AKT2: variants seen among roughly 807,000 people sequenced by gnomAD.
AKT2 encodes AKT serine/threonine kinase 2.
In AKT2, 16 loss-of-function variants were observed where a neutral mutation model predicts 58.6. The observed-to-expected ratio is 0.27, with a 90% CI of 0.18 to 0.41. AKT2 has a LOEUF of 0.41. Ranked by LOEUF, AKT2 falls within the 10% of genes least tolerant of loss-of-function variation. The pLI, the probability that AKT2 is intolerant of heterozygous loss-of-function variation, is 1.00. For synonymous variants in AKT2, 253 were observed against 254.0 expected (o/e 1.00, Z 0.04); for missense variants, 438 against 661.0 (o/e 0.66, Z 3.70).
Position 40,241,985 on chromosome 19 carries a change from G to A in AKT2, c.526C>T (p.Arg176Cys), listed in dbSNP as rs757233968. Residue 176 changes from arginine (R) to cysteine (C), a missense_variant, in exon 6 of 14, where the codon CGC becomes TGC. Physicochemically the swap from Arg to Cys is radical, Grantham distance 180. This residue lies in a region of AKT2 where 244 missense variants were observed against 347.1 expected (regional missense o/e 0.70). Coordinates refer to ENST00000392038, the MANE Select transcript of AKT2 (RefSeq NM_001626.6). ...VILVREKATG[R>C]YYAMKILRKE... ...CGCAGGATCTTCATGGCGTAGTAGC[G>A]GCCAGTGGCCTTCTCCCGCACCAGG... The A allele has an allele frequency of 9.9e-6, 16 of 1,614,106 alleles. No homozygotes were observed. In the Admixed American group the frequency reaches 1.0e-4, roughly 10 times the overall value.
Position 40,234,031 on chromosome 19 carries a change from C to A in AKT2, c.1367-80G>T. The stretch of plus-strand genomic sequence containing the variant: ...CTGCCCAGACTCCCTGGGGAAACGG[C>A]CCCAGCTGGCGGGGGCTGCCCACAG... On this transcript the variant is annotated intron_variant, in intron 13 of 13. Transcript: ENST00000392038. This position sits in a 1 kb window ranked among gnomAD's most constrained non-coding sequence, Gnocchi z 4.7. The A allele has an allele frequency of 6.9e-7, 1 of 1,457,078 alleles. No homozygotes were observed. The highest frequency in any genetic ancestry group is 1.2e-5 in the South Asian group (1 of 84,384). 90.3% of individuals were successfully genotyped at this position (1,457,078 alleles called of 1,614,324 possible).
At position 40,237,862 on chromosome 19, in the gene AKT2, G is replaced by A; in HGVS notation, c.831+107C>T. On this transcript the variant is annotated intron_variant, in intron 9 of 13. Coordinates refer to ENST00000392038, the MANE Select transcript of AKT2 (RefSeq NM_001626.6). The surrounding 1 kb of genome is among the most constrained non-coding windows in gnomAD (Gnocchi z 4.5). Reference sequence around the variant, plus strand: ...AGGGCAGCCACCACCCTGGACCTTGGTGGGGAGCCTGGCGAATGAGGGCAG... The same window carrying A: ...AGGGCAGCCACCACCCTGGACCTTGATGGGGAGCCTGGCGAATGAGGGCAG... 6.6e-7 allele frequency: 1 copy of A among 1,521,936 alleles called. No homozygotes were observed. Among genetic ancestry groups the A allele is most frequent in the Non-Finnish European group, 8.9e-7 (1 of 1,125,204 alleles). 94.3% of individuals were successfully genotyped at this position (1,521,936 alleles called of 1,614,324 possible). A position where few individuals can be genotyped will look rare whatever the true frequency, so the allele number is the denominator to read the frequency against.
At chr19:40,273,319 G>A (rs1468811859) in intron 1 of AKT2, among the ~76,000 whole-genome samples, 1 of 150,340 alleles carries the variant, frequency 6.7e-6, no homozygotes, top group Admixed American at 6.6e-5. Context: ...CCAGCCTGAG[G>A]GACAGAGCAA....
chr19:40,261,140 C>G (rs1975915810), intron 2 of AKT2, among the ~76,000 whole-genome samples: 1 of 152,234 alleles, frequency 6.6e-6, no homozygotes, highest in African/African-American at 2.4e-5. Context: ...GTGTTGGAAA[C>G]TTGATCCCCA....
In AKT2 at chr19:40,235,363, G is replaced by A. The variant is rs561281900; in HGVS notation, c.1176-13C>T. On this transcript the variant is annotated splice_polypyrimidine_tract_variant and intron_variant, in intron 11 of 13. Transcript: ENST00000392038. The surrounding 1 kb of genome is among the most constrained non-coding windows in gnomAD (Gnocchi z 6.3). ...CCCCCCACCAAGCCTGTGCAGAGAC[G>A]GCCGTCAGCACCTGCCTCCCGGAGC... 52 of 1,613,266 alleles carry A rather than the reference G, an allele frequency of 3.2e-5. No individual in the cohort carries two copies. Among genetic ancestry groups the A allele is most frequent in the Non-Finnish European group, 4.1e-5 (48 of 1,179,898 alleles).
At chr19:40,252,532 T>A (rs1023989031) in intron 4 of AKT2, among the ~76,000 whole-genome samples, 1 of 152,106 alleles carries the variant, frequency 6.6e-6, no homozygotes, top group Admixed American at 6.5e-5. Flanking sequence ...TATTTATCAT[T>A]CCCCTGCATC....
At chr19:40,271,654 G>A (rs1006324826) in intron 1 of AKT2, among the ~76,000 whole-genome samples, 1 of 152,126 alleles carries the variant, frequency 6.6e-6, no homozygotes, top group Non-Finnish European at 1.5e-5. Context: ...GTGCTTGGAG[G>A]AATTTCTCCT....
At chr19:40,244,672 CAG>C (rs1974635275) in intron 4 of AKT2, among the ~76,000 whole-genome samples, 2 of 152,182 alleles carry the variant, frequency 1.3e-5, no homozygotes, top group South Asian at 2.1e-4. Flanking sequence ...TGAGAAAATT[CAG>C]AGAGTGTAAT....
intron 4 of AKT2, among the ~76,000 whole-genome samples, chr19:40,250,502 TA>T (rs935536091): frequency 5.0e-5 from 7 of 141,312 alleles, no homozygotes; most frequent in Non-Finnish European, 3.1e-5. Context: ...AAACTCTGTC[TA>T]AAAAAAAAAG....
intron 1 of AKT2, among the ~76,000 whole-genome samples, chr19:40,267,992 G>GC (rs1311192689): frequency 3.9e-5 from 6 of 152,194 alleles, no homozygotes; most frequent in African/African-American, 1.4e-4. Flanking sequence ...AACAGAAAAT[G>GC]CAAGGACCTG....
chr19:40,253,026 A>G (rs547183120), intron 4 of AKT2, among the ~76,000 whole-genome samples: 1 of 152,308 alleles, frequency 6.6e-6, no homozygotes, highest in South Asian at 2.1e-4. Flanking sequence ...AACAAGTCTC[A>G]TGATATTGTG....
At chr19:40,265,936 T>G in intron 1 of AKT2, 1 of 156,648 alleles carries the variant, frequency 6.4e-6, no homozygotes, top group Non-Finnish European at 1.4e-5. Context: ...CTCAGCGGCC[T>G]CCCTCCCCCC....
chr19:40,249,532 C>T (rs1974993379), intron 4 of AKT2, among the ~76,000 whole-genome samples: 1 of 152,208 alleles, frequency 6.6e-6, no homozygotes, highest in Non-Finnish European at 1.5e-5. Flanking sequence ...GCAGAGGTGG[C>T]AGGGCTGTCC....
At chr19:40,279,797 C>A (rs561599310) in intron 1 of AKT2, among the ~76,000 whole-genome samples, 1 of 152,166 alleles carries the variant, frequency 6.6e-6, no homozygotes, top group South Asian at 2.1e-4. Flanking sequence ...AGCCTGTCCC[C>A]AACACTTCCT....
intron 1 of AKT2, chr19:40,274,327 C>T (rs973853917): frequency 1.3e-5 from 2 of 153,368 alleles, no homozygotes; most frequent in African/African-American, 4.8e-5. Context: ...GTGAACAGAA[C>T]CACAGCATTT....
chr19:40,277,818 G>A (rs770213355), intron 1 of AKT2, among the ~76,000 whole-genome samples: 3 of 152,110 alleles, frequency 2.0e-5, no homozygotes, highest in Non-Finnish European at 4.4e-5. Context: ...TGCCACCTCC[G>A]ATCGCATCCA....
rs927005038 is a variant in AKT2 at position 40,234,949 on chromosome 19, G to A, written c.1366+96C>T. The A allele has an allele frequency of 1.8e-6, 2 of 1,101,474 alleles. No homozygotes were observed. Among genetic ancestry groups the A allele is most frequent in the Middle Eastern group, 1.9e-4 (1 of 5,142 alleles). The allele number at this position is 1,101,474 out of a possible 1,614,324, so 68.2% of individuals were successfully genotyped here. A position where few individuals can be genotyped will look rare whatever the true frequency, so the allele number is the denominator to read the frequency against. On this transcript the variant is annotated intron_variant, in intron 13 of 13. Transcript: ENST00000392038. The surrounding 1 kb of genome is among the most constrained non-coding windows in gnomAD (Gnocchi z 4.7). ...GAAATCTCCCAGACATGAAGCGGGGGCCTTCGAGGGCCCTCCTTGAGAAGT... is the reference window on the plus strand; with the variant it reads ...GAAATCTCCCAGACATGAAGCGGGGACCTTCGAGGGCCCTCCTTGAGAAGT...
chr19:40,275,337 C>T lies in AKT2; in HGVS notation c.-85+9844G>A, dbSNP rs533321591. ...ATCCCTGACCCACGTCGCTCTGCAT[C>T]GCCACCACCTCCCTGGGAGCTCCAG... On this transcript the variant is annotated intron_variant, in intron 1 of 13. Coordinates refer to ENST00000392038, the MANE Select transcript of AKT2 (RefSeq NM_001626.6). 94 of 456,324 alleles carry T rather than the reference C, an allele frequency of 2.1e-4. 1 individual carries two copies. The highest frequency in any genetic ancestry group is 1.2e-3 in the African/African-American group (58 of 50,188). The allele number at this position is 456,324 out of a possible 1,614,324, so 28.3% of individuals were successfully genotyped here. A position where few individuals can be genotyped will look rare whatever the true frequency, so the allele number is the denominator to read the frequency against.
rs1352944542 is a variant in AKT2, at chr19:40,241,963, A to T, written c.548T>A (p.Leu183Gln). 6.2e-7 allele frequency: 1 copy of T among 1,614,196 alleles called. No homozygotes were observed. The change falls in exon 6 of 14, where the codon CTG (leucine) becomes CAG (glutamine). Residue 183 changes from leucine (L) to glutamine (Q), a missense_variant. Around this residue, in one of 3 missense-constraint regions of AKT2, gnomAD observed 244 missense variants for 347.1 expected, o/e 0.70. Coordinates refer to ENST00000392038, the MANE Select transcript of AKT2 (RefSeq NM_001626.6). Reference sequence around the variant, plus strand: ...CTTGGCAATGATGACTTCCTTCCGCAGGATCTTCATGGCGTAGTAGCGGCC... The same window carrying T: ...CTTGGCAATGATGACTTCCTTCCGCTGGATCTTCATGGCGTAGTAGCGGCC... The part of the protein sequence containing the change: ...ATGRYYAMKI[L>Q]RKEVIIAKDE...
Sources: gnomAD v4.1 joint callset for allele counts (sites outside exome capture counted in the v4.1 genomes callset) on GRCh38, gnomAD v4.1.1 for gene constraint, gnomAD v4.1.1 regional missense constraint, Gnocchi (gnomAD v3.1) non-coding constraint, MANE v1.5 for transcripts, NCBI Gene and HGNC (gene_info 2026-07-23, HGNC 2026-07-21) for gene names.